FMNL2: variants seen among roughly 807,000 people sequenced by gnomAD.
The protein encoded by FMNL2 is formin like 2, also known as formin-like protein 2.
A neutral mutation model predicts 130.2 loss-of-function variants in FMNL2; 51 were observed. The ratio of observed to expected loss-of-function variants is 0.39; its 90% CI spans 0.31 to 0.49. FMNL2 has a LOEUF of 0.49. FMNL2 is among the 20% of genes least tolerant of loss of function. The pLI, the probability that FMNL2 is intolerant of heterozygous loss-of-function variation, is 0.85. For synonymous variants in FMNL2, 465 were observed against 467.1 expected (o/e 1.00, Z 0.06); for missense variants, 977 against 1,316.2 (o/e 0.74, Z 3.99).
chr2:152,481,996 T>C (rs1396391892), intron 1 of FMNL2, among the ~76,000 whole-genome samples: 1 of 152,136 alleles, frequency 6.6e-6, no homozygotes, highest in Non-Finnish European at 1.5e-5. Flanking sequence ...TGGTGAACTT[T>C]CCTCCGTCAT....
In FMNL2 at chr2:152,636,584, C is replaced by G; in HGVS notation, c.2838C>G (p.Ile946Met). 6.4e-7 allele frequency: 1 copy of G among 1,558,830 alleles called. No individual in the cohort carries two copies. The highest frequency in any genetic ancestry group is 8.7e-7 in the Non-Finnish European group (1 of 1,150,908). Residue 946 changes from isoleucine (I) to methionine (M), a missense_variant, in exon 22 of 26, where the codon ATC (isoleucine) becomes ATG (methionine). By Grantham distance (10) the Ile-to-Met change is conservative. Around this residue, in one of 4 missense-constraint regions of FMNL2, gnomAD observed 689 missense variants for 995.9 expected, o/e 0.69. Transcript: ENST00000288670. ...AGAAGCTGCAGGATGATGCCAAGAT[C>G]GCACAGGCAAGTATTGGTGCCCCTG... The part of the protein sequence containing the change: ...KLKKLQDDAK[I>M]AQDAFDDVVK...
chr2:152,449,618 A>C (rs1170227754), intron 1 of FMNL2, among the ~76,000 whole-genome samples: 1 of 152,080 alleles, frequency 6.6e-6, no homozygotes, highest in Non-Finnish European at 1.5e-5. Context: ...ATTTGAGAGG[A>C]AACTTGGGGT....
intron 1 of FMNL2, among the ~76,000 whole-genome samples, chr2:152,429,274 C>T (rs977849059): frequency 5.9e-5 from 9 of 151,800 alleles, no homozygotes; most frequent in Admixed American, 3.3e-4. Flanking sequence ...ACGCAGTGTC[C>T]GACCAAATGT....
intron 1 of FMNL2, among the ~76,000 whole-genome samples, chr2:152,420,157 T>C (rs1228456341): frequency 1.3e-5 from 2 of 152,176 alleles, no homozygotes; most frequent in Non-Finnish European, 2.9e-5. Context: ...TAACAGAGAT[T>C]ACAGGGTATG....
chr2:152,387,067 G>T (rs1684827639), intron 1 of FMNL2, among the ~76,000 whole-genome samples: 1 of 152,140 alleles, frequency 6.6e-6, no homozygotes, highest in Admixed American at 6.5e-5. Context: ...AAAAAGTGTG[G>T]CCTGTCTTGG....
chr2:152,489,172 A>G (rs976592659), intron 1 of FMNL2, among the ~76,000 whole-genome samples: 4 of 150,880 alleles, frequency 2.7e-5, no homozygotes, highest in Non-Finnish European at 4.4e-5. Flanking sequence ...TCAACAAAAG[A>G]AGTGTTCCCT....
At chr2:152,375,893 A>ATATG (rs1483809387) in intron 1 of FMNL2, among the ~76,000 whole-genome samples, 1 of 145,256 alleles carries the variant, frequency 6.9e-6, no homozygotes, top group African/African-American at 2.5e-5. Context: ...ATATATATAT[A>ATATG]TATAATTATT....
chr2:152,561,160 C>G, intron 6 of FMNL2, 125 bp downstream of exon 6: 3 of 979,706 alleles, frequency 3.1e-6, no homozygotes, highest in Non-Finnish European at 4.4e-6. Flanking sequence ...TTTGCAATGA[C>G]TCTAAATGAA....
At chr2:152,559,823 T>C (rs1695425353) in intron 5 of FMNL2, among the ~76,000 whole-genome samples, 1 of 152,156 alleles carries the variant, frequency 6.6e-6, no homozygotes, top group East Asian at 1.9e-4. Flanking sequence ...ATTACCCCAT[T>C]CTAACTCTTT....
chr2:152,512,948 T>C lies in FMNL2; in HGVS notation c.118-8995T>C, dbSNP rs1692566860. Among the ~76,000 whole-genome samples, 4 of 152,226 alleles carry C rather than the reference T, an allele frequency of 2.6e-5. No individual in the cohort carries two copies. The South Asian group carries it at 8.3e-4, about 32-fold the overall frequency. On this transcript the variant is annotated intron_variant, in intron 1 of 25. Transcript: ENST00000288670. The stretch of plus-strand genomic sequence containing the variant: ...CTGATTTGATCTTCTGAAACTTCTG[T>C]ATGTGTATTCACACACGTGCACAAA...
intron 21 of FMNL2, among the ~76,000 whole-genome samples, chr2:152,635,519 A>G (rs1449557062): frequency 1.3e-5 from 2 of 152,272 alleles, no homozygotes; most frequent in African/African-American, 2.4e-5. Context: ...AAAAGTGAGA[A>G]GTGTGCATTA....
In FMNL2 at chr2:152,582,419, A is replaced by G. The variant is rs369346549; in HGVS notation, c.876+1370A>G. 6.6e-5 allele frequency among the ~76,000 whole-genome samples: 10 copies of G among 152,304 alleles called. No individual in the cohort carries two copies. The East Asian group carries it at 1.3e-3, about 21-fold the overall frequency. On this transcript the variant is annotated intron_variant, in intron 9 of 25. Coordinates refer to ENST00000288670, the MANE Select transcript of FMNL2 (RefSeq NM_052905.4). ...GCTCCTTTATTTGCATTGCCTCCTT[A>G]CTGCTAGTCCATTCTTTAAGATTTT...
At chr2:152,601,030 C>T (rs1698019016) in intron 9 of FMNL2, among the ~76,000 whole-genome samples, 1 of 152,156 alleles carries the variant, frequency 6.6e-6, no homozygotes, top group South Asian at 2.1e-4. Context: ...TTCAAGAATA[C>T]TGAGGGAGAG....
Position 152,619,064 on chromosome 2 carries a change from T to C in FMNL2, c.1533T>C (p.Gly511=). The C allele has an allele frequency of 6.2e-7, 1 of 1,613,912 alleles. No homozygotes were observed. The highest frequency in any genetic ancestry group is 8.5e-7 in the Non-Finnish European group (1 of 1,179,798). Residue 511 remains glycine (G), a synonymous_variant, in exon 14 of 26, where the codon GGT becomes GGC. Transcript: ENST00000288670. ...CCATGGGGTCAGAAGTGGTAGCAGG[T>C]AACTCTGTGGGACCCACAATGGGGG... The part of the protein sequence containing the change: ...TLSMGSEVVA[G]NSVGPTMGAA...
intron 1 of FMNL2, among the ~76,000 whole-genome samples, chr2:152,383,409 G>A (rs931135669): frequency 6.8e-6 from 1 of 147,698 alleles, no homozygotes; most frequent in African/African-American, 2.5e-5. Flanking sequence ...AATGCTAATT[G>A]TCTTCATGTA....
chr2:152,494,875 T>C (rs1263974330), intron 1 of FMNL2, among the ~76,000 whole-genome samples: 1 of 152,212 alleles, frequency 6.6e-6, no homozygotes, highest in Non-Finnish European at 1.5e-5. Flanking sequence ...ACCATGTGGA[T>C]TTTATTCATT....
chr2:152,616,988 C>A, intron 12 of FMNL2, 103 bp from the exon 13 acceptor site: 1 of 881,106 alleles, frequency 1.1e-6, no homozygotes. Context: ...GGAACACATG[C>A]AGGGCCCTGG....
At chr2:152,418,806 C>T (rs936292020) in intron 1 of FMNL2, among the ~76,000 whole-genome samples, 3 of 152,034 alleles carry the variant, frequency 2.0e-5, no homozygotes, top group Admixed American at 6.6e-5. Context: ...GCTTTCAGTA[C>T]TTTTGAGTAT....
At chr2:152,551,611 AT>A (rs1221490603) in intron 4 of FMNL2, among the ~76,000 whole-genome samples, 1 of 152,252 alleles carries the variant, frequency 6.6e-6, no homozygotes, top group Non-Finnish European at 1.5e-5. Flanking sequence ...CTTCTGAAAA[AT>A]TACTCAATAA....
Sources: gnomAD v4.1 joint callset for allele counts (sites outside exome capture counted in the v4.1 genomes callset) on GRCh38, gnomAD v4.1.1 for gene constraint, gnomAD v4.1.1 regional missense constraint, MANE v1.5 for transcripts, NCBI Gene and HGNC (gene_info 2026-07-23, HGNC 2026-07-21) for gene names.